Variants in SLC9A9 observed in about 807,000 individuals in gnomAD.
SLC9A9 encodes the protein solute carrier family 9 member A9.
A neutral mutation model predicts 77.8 loss-of-function variants in SLC9A9; 62 were observed. The ratio of observed to expected loss-of-function variants is 0.80; its 90% CI spans 0.65 to 0.98. The LOEUF is 0.98. SLC9A9 is among the 50% of genes least tolerant of loss of function. The pLI is 0.00. For synonymous variants in SLC9A9, 320 were observed against 283.5 expected (o/e 1.13, Z -1.29); for missense variants, 775 against 774.9 (o/e 1.00, Z 0.00).
In SLC9A9 at chr3:143,457,839, A is replaced by G. The variant is rs73867650; in HGVS notation, c.1469+9198T>C. Among the ~76,000 whole-genome samples, 1,188 of 152,306 alleles carry G rather than the reference A, an allele frequency of 7.8e-3. 21 individuals are homozygous for G. Among genetic ancestry groups the G allele is most frequent in the African/African-American group, 0.027 (1,132 of 41,570 alleles). ...TATGTTATCATTTCTCTTAAATTAG[A>G]AAAGGTTTTATGACCTATGCTATTG... On this transcript the variant is annotated intron_variant, in intron 12 of 15. Coordinates refer to ENST00000316549, the MANE Select transcript of SLC9A9 (RefSeq NM_173653.4).
chr3:143,559,098 G>T (rs1375588027), intron 8 of SLC9A9, among the ~76,000 whole-genome samples: 2 of 152,130 alleles, frequency 1.3e-5, no homozygotes, highest in African/African-American at 2.4e-5. Context: ...CTGAGAAGAG[G>T]TGCCTTCCGC....
intron 4 of SLC9A9, among the ~76,000 whole-genome samples, chr3:143,749,545 A>G (rs2006644311): frequency 6.6e-6 from 1 of 152,250 alleles, no homozygotes; most frequent in Admixed American, 6.5e-5. Context: ...AATGCTTTTT[A>G]AATACAAAAT....
At chr3:143,586,899 T>G (rs1002444348) in intron 6 of SLC9A9, among the ~76,000 whole-genome samples, 4 of 152,222 alleles carry the variant, frequency 2.6e-5, no homozygotes, top group Non-Finnish European at 4.4e-5. Flanking sequence ...CATAGGGTTT[T>G]ACCTTCCCAA....
At chr3:143,745,142 T>C (rs1451129142) in intron 4 of SLC9A9, among the ~76,000 whole-genome samples, 2 of 152,204 alleles carry the variant, frequency 1.3e-5, no homozygotes, top group African/African-American at 2.4e-5. Flanking sequence ...TGAAATATAC[T>C]AGTTTGATGT....
intron 9 of SLC9A9, among the ~76,000 whole-genome samples, chr3:143,551,332 T>C (rs1480865910): frequency 2.0e-5 from 3 of 152,210 alleles, no homozygotes; most frequent in African/African-American, 7.2e-5. Context: ...CCCCATTACC[T>C]ATAGGTTATA....
rs748982877 is a variant in SLC9A9 at position 143,778,037 on chromosome 3, CAAAAA to C, written c.533+16959_533+16963del. 3.4e-4 allele frequency among the ~76,000 whole-genome samples: 26 copies of C among 75,574 alleles called. 1 individual carries two copies. Among genetic ancestry groups the C allele is most frequent in the Non-Finnish European group, 5.7e-4 (24 of 41,830 alleles). 49.6% of individuals were successfully genotyped at this position (75,574 alleles called of 152,430 possible). ...CCGTCACTGATACTTTTATAAAATG[CAAAAA>C]AAAAAAAAAAGATGCTGAATCAATG... is the stretch of plus-strand genomic sequence containing the variant. On this transcript the variant is annotated intron_variant, in intron 4 of 15. Transcript: ENST00000316549.
At chr3:143,813,521 G>A (rs928186745) in intron 2 of SLC9A9, among the ~76,000 whole-genome samples, 2 of 152,154 alleles carry the variant, frequency 1.3e-5, no homozygotes, top group African/African-American at 4.8e-5. Context: ...TGCTTGATGA[G>A]TGAATCCCCT....
intron 2 of SLC9A9, among the ~76,000 whole-genome samples, chr3:143,808,456 G>A (rs2008781133): frequency 6.6e-6 from 1 of 152,010 alleles, no homozygotes; most frequent in Non-Finnish European, 1.5e-5. Flanking sequence ...ATTGATTCTG[G>A]GCTCTTAGTA....
At chr3:143,529,118 G>A (rs940593842) in intron 9 of SLC9A9, among the ~76,000 whole-genome samples, 1 of 152,190 alleles carries the variant, frequency 6.6e-6, no homozygotes, top group African/African-American at 2.4e-5. Context: ...GGTGAGCTAA[G>A]GTGCTTGAGG....
chr3:143,778,116 T>G (rs989098101), intron 4 of SLC9A9, among the ~76,000 whole-genome samples: 1 of 152,032 alleles, frequency 6.6e-6, no homozygotes. Flanking sequence ...TTATTAAATT[T>G]AACAGACACT....
chr3:143,551,534 C>T (rs1485975011), intron 9 of SLC9A9, among the ~76,000 whole-genome samples: 1 of 152,196 alleles, frequency 6.6e-6, no homozygotes, highest in Non-Finnish European at 1.5e-5. Context: ...ACCTTCTACC[C>T]TCTAGTAGAC....
chr3:143,681,812 C>T (rs1319446382), intron 5 of SLC9A9, among the ~76,000 whole-genome samples: 1 of 152,152 alleles, frequency 6.6e-6, no homozygotes, highest in East Asian at 1.9e-4. Flanking sequence ...GATAGCAGTC[C>T]TCTGAGTGGC....
At chr3:143,666,288 T>C (rs2039066810) in intron 5 of SLC9A9, among the ~76,000 whole-genome samples, 1 of 152,194 alleles carries the variant, frequency 6.6e-6, no homozygotes, top group African/African-American at 2.4e-5. Context: ...TCAACAGCCC[T>C]TCATGCTAAA....
intron 4 of SLC9A9, among the ~76,000 whole-genome samples, chr3:143,709,500 C>A (rs192890069): frequency 6.6e-6 from 1 of 152,044 alleles, no homozygotes; most frequent in East Asian, 1.9e-4. Flanking sequence ...GTATGAAACT[C>A]GAAATGAGGG....
chr3:143,282,435 T>C (rs1938249287), intron 14 of SLC9A9, among the ~76,000 whole-genome samples: 1 of 152,232 alleles, frequency 6.6e-6, no homozygotes, highest in Admixed American at 6.5e-5. Flanking sequence ...GGAAGCCCCA[T>C]TTATGCTTGA....
At chr3:143,579,682 G>A (rs1164160227) in intron 6 of SLC9A9, among the ~76,000 whole-genome samples, 1 of 152,158 alleles carries the variant, frequency 6.6e-6, no homozygotes, top group Non-Finnish European at 1.5e-5. Context: ...TTAGCAGTGG[G>A]TTTTGGAAGA....
chr3:143,595,430 ATCTCCCTTCT>A (rs1257649755), intron 6 of SLC9A9, among the ~76,000 whole-genome samples: 1 of 152,204 alleles, frequency 6.6e-6, no homozygotes, highest in African/African-American at 2.4e-5. Context: ...AGAGAATGGT[ATCTCCCTTCT>A]TTATTGCTGC....
intron 9 of SLC9A9, chr3:143,504,237 A>C (rs1263843554): frequency 3.7e-6 from 1 of 271,232 alleles, no homozygotes; most frequent in Non-Finnish European, 7.3e-6. Context: ...TGCCCAATAC[A>C]GCCAAATTCA....
intron 9 of SLC9A9, among the ~76,000 whole-genome samples, chr3:143,501,021 A>G (rs2035914184): frequency 1.3e-5 from 2 of 150,618 alleles, no homozygotes; most frequent in Admixed American, 1.3e-4. Context: ...TTATACTCAA[A>G]TTACAGAAAA....
Sources: gnomAD v4.1 joint callset for allele counts (sites outside exome capture counted in the v4.1 genomes callset) on GRCh38, gnomAD v4.1.1 for gene constraint, MANE v1.5 for transcripts, NCBI Gene and HGNC (gene_info 2026-07-23, HGNC 2026-07-21) for gene names.